The following GRID1 variants were observed in gnomAD, a reference collection of about 807,000 sequenced individuals.
GRID1 encodes glutamate receptor ionotropic, delta-1.
Under a neutral mutation model 98.0 loss-of-function variants are expected in GRID1, and 28 were observed. The ratio of observed to expected loss-of-function variants is 0.29; its 90% confidence interval spans 0.21 to 0.39. The LOEUF is 0.39. Ranked by LOEUF, GRID1 falls within the 10% of genes least tolerant of loss-of-function variation. GRID1 has a pLI of 1.00. For synonymous variants in GRID1, 553 were observed against 538.5 expected (o/e 1.03, Z -0.37); for missense variants, 1,111 against 1,340.5 (o/e 0.83, Z 2.67).
At chr10:85,815,689 A>C (rs1842710454) in intron 8 of GRID1, among the ~76,000 whole-genome samples, 1 of 151,980 alleles carries the variant, frequency 6.6e-6, no homozygotes, top group South Asian at 2.1e-4. Context: ...TATGACACCA[A>C]AATCACAATA....
At chr10:85,840,860 A>G (rs1178158700) in intron 8 of GRID1, among the ~76,000 whole-genome samples, 3 of 152,218 alleles carry the variant, frequency 2.0e-5, no homozygotes, top group East Asian at 3.8e-4. Context: ...AATGAAAAAA[A>G]CATTCATGCT....
At position 85,789,656 on chromosome 10, in the gene GRID1, C is replaced by T. The variant is rs1043480947; in HGVS notation, c.1234-60042G>A. Among the ~76,000 whole-genome samples the T allele has an allele frequency of 4.5e-4, 68 of 152,278 alleles. 1 individual carries two copies. Among genetic ancestry groups the T allele is most frequent in the African/African-American group, 1.6e-3 (66 of 41,554 alleles). On this transcript the variant is annotated intron_variant, in intron 8 of 15. Transcript: ENST00000327946. ...TTTGCCACAATTAAAGCAGCAAACA[C>T]TTTCAGGTTTCACAGCTGAGAGGAA...
chr10:85,964,576 C>T (rs184747952), intron 4 of GRID1, among the ~76,000 whole-genome samples: 6 of 152,266 alleles, frequency 3.9e-5, no homozygotes, highest in Admixed American at 1.3e-4. Flanking sequence ...GTTGAGAAAA[C>T]GGGCTAGCCA....
intron 4 of GRID1, among the ~76,000 whole-genome samples, chr10:85,978,372 T>C (rs1391401920): frequency 6.6e-6 from 1 of 152,230 alleles, no homozygotes; most frequent in Non-Finnish European, 1.5e-5. Flanking sequence ...CTGGGTAGCT[T>C]ACCACAAAGA....
At chr10:85,739,837 A>G (rs1251681569) in intron 8 of GRID1, among the ~76,000 whole-genome samples, 2 of 152,152 alleles carry the variant, frequency 1.3e-5, no homozygotes, top group Non-Finnish European at 2.9e-5. Flanking sequence ...CAACTTTTTA[A>G]AAGCTTATTT....
chr10:85,613,700 A>G, intron 14 of GRID1, 53 bp from the exon 15 acceptor site: 1 of 1,575,212 alleles, frequency 6.3e-7, no homozygotes, highest in East Asian at 2.3e-5. Context: ...CAACTCAGCC[A>G]CCGGGGCCCT....
intron 2 of GRID1, among the ~76,000 whole-genome samples, chr10:86,231,180 G>T (rs1398227897): frequency 2.0e-5 from 3 of 152,234 alleles, no homozygotes; most frequent in African/African-American, 7.2e-5. Context: ...ATGCATGTCA[G>T]AAAATTGTCC....
Position 85,647,379 on chromosome 10 carries a change from G to A in GRID1, c.2016C>T (p.Ser672=), listed in dbSNP as rs751467477. ...TGCCATAAGACATTTCCACTTGTTT[G>A]GACAGGTCCTGGAAAGTCCTGAAAT... The part of the protein sequence containing the change: ...DNPIRTFQDL[S]KQVEMSYGTV... The change falls in exon 13 of 16, where the codon TCC becomes TCT. Residue 672 remains serine (S), a synonymous_variant. Transcript: ENST00000327946. The A allele has an allele frequency of 1.2e-6, 2 of 1,614,118 alleles. No homozygotes were observed. Among genetic ancestry groups the A allele is most frequent in the East Asian group, 4.5e-5 (2 of 44,886 alleles).
chr10:86,073,476 G>A (rs1564666648), intron 4 of GRID1, among the ~76,000 whole-genome samples: 1 of 152,200 alleles, frequency 6.6e-6, no homozygotes. Context: ...CAGTATAACT[G>A]TCTGGTGGGT....
rs193273398 is a variant in GRID1, at chr10:85,753,690, A to C, written c.1234-24076T>G. Reference sequence around the variant, plus strand: ...TCACTTAAGCACTTTTATAGCCTACAGCTATGTCCTGATAGGTGTAGGGCA... The same window carrying C: ...TCACTTAAGCACTTTTATAGCCTACCGCTATGTCCTGATAGGTGTAGGGCA... On this transcript the variant is annotated intron_variant, in intron 8 of 15. Coordinates refer to ENST00000327946, the MANE Select transcript of GRID1 (RefSeq NM_017551.3). 8.1e-4 allele frequency among the ~76,000 whole-genome samples: 123 copies of C among 152,364 alleles called. 1 individual carries two copies. The highest frequency in any genetic ancestry group is 2.8e-3 in the African/African-American group (118 of 41,580).
intron 3 of GRID1, among the ~76,000 whole-genome samples, chr10:86,146,132 T>G (rs1845086234): frequency 6.6e-6 from 1 of 152,190 alleles, no homozygotes; most frequent in South Asian, 2.1e-4. Context: ...GCCCAGGCAC[T>G]GAGAGTACTT....
intron 4 of GRID1, among the ~76,000 whole-genome samples, chr10:86,132,152 T>G (rs1235461712): frequency 6.6e-6 from 1 of 152,088 alleles, no homozygotes; most frequent in Non-Finnish European, 1.5e-5. Flanking sequence ...AGACCAGTGC[T>G]GGCTGACACC....
At chr10:85,951,712 AC>A (rs1328498064) in intron 4 of GRID1, among the ~76,000 whole-genome samples, 1 of 152,154 alleles carries the variant, frequency 6.6e-6, no homozygotes, top group Non-Finnish European at 1.5e-5. Context: ...GCCCACCCAG[AC>A]ACACCCCAGG....
At chr10:86,121,218 TCTC>T (rs1844660111) in intron 4 of GRID1, among the ~76,000 whole-genome samples, 1 of 151,742 alleles carries the variant, frequency 6.6e-6, no homozygotes, top group South Asian at 2.1e-4. Flanking sequence ...TACCACATCT[TCTC>T]CTCCAGCCAC....
rs1347277244 is a variant in GRID1 at position 85,600,267 on chromosome 10, G to A, written c.*2006C>T. The A allele has an allele frequency of 6.6e-6, 1 of 152,202 alleles. No individual in the cohort carries two copies. The highest frequency in any genetic ancestry group is 1.5e-5 in the Non-Finnish European group (1 of 68,018). The allele number at this position is 152,202 out of a possible 1,614,324, so 9.4% of individuals were successfully genotyped here. ...GCATGCCTGGCTCCAAGGTCCACAT[G>A]CTCTGATTGGAGAAATGTCAATGGA... On this transcript the variant is annotated 3_prime_UTR_variant, in exon 16 of 16. Transcript: ENST00000327946.
rs552814709 is a variant in GRID1 at position 86,099,047 on chromosome 10, C to A, written c.726+39772G>T. 2.3e-4 allele frequency among the ~76,000 whole-genome samples: 35 copies of A among 152,354 alleles called. No homozygotes were observed. The East Asian group carries it at 6.4e-3, about 28-fold the overall frequency. ...TAAGACTAATGGGATTCGTAATCCC[C>A]ATTTTACAGAGCAGAAAGCAAAGGT... On this transcript the variant is annotated intron_variant, in intron 4 of 15. Coordinates refer to ENST00000327946, the MANE Select transcript of GRID1 (RefSeq NM_017551.3).
chr10:86,277,315 C>A (rs376000528), intron 2 of GRID1, among the ~76,000 whole-genome samples: 2 of 152,146 alleles, frequency 1.3e-5, no homozygotes, highest in South Asian at 4.1e-4. Context: ...TAGATCTTCT[C>A]TGTAAGAAAT....
At chr10:85,743,697 C>A (rs144213452) in intron 8 of GRID1, among the ~76,000 whole-genome samples, 218 of 152,048 alleles carry the variant, frequency 1.4e-3, no homozygotes, top group African/African-American at 5.0e-3. Flanking sequence ...CCATTAAAGT[C>A]ATGGTAAAAG....
intron 3 of GRID1, among the ~76,000 whole-genome samples, chr10:86,168,775 C>T (rs1300387821): frequency 2.0e-5 from 3 of 152,168 alleles, no homozygotes; most frequent in Non-Finnish European, 2.9e-5. Context: ...CTGGAAAGAC[C>T]TTCTTCTAAC....
Sources: allele counts gnomAD v4.1 joint callset (sites outside exome capture counted in the v4.1 genomes callset), GRCh38; gene constraint gnomAD v4.1.1; transcripts MANE v1.5; gene names NCBI Gene and HGNC (gene_info 2026-07-23, HGNC 2026-07-21).